TMEM117: variants seen among roughly 807,000 people sequenced by gnomAD.
TMEM117 encodes transmembrane protein 117.
A neutral mutation model predicts 52.4 loss-of-function variants in TMEM117; 27 were observed. The ratio of observed to expected loss-of-function variants is 0.51; its 90% CI spans 0.38 to 0.71. The LOEUF (loss-of-function observed/expected upper bound fraction) is 0.71. Ranked by LOEUF, TMEM117 falls within the 30% of genes least tolerant of loss-of-function variation. TMEM117 has a pLI of 0.00. For synonymous variants in TMEM117, 215 were observed against 206.3 expected, an observed-to-expected ratio of 1.04 and a Z score of -0.36; for missense variants, 556 against 630.5, an observed-to-expected ratio of 0.88 and a Z score of 1.26.
At chr12:44,141,724 G>A (rs1174999085) in intron 3 of TMEM117, among the ~76,000 whole-genome samples, 1 of 152,080 alleles carries the variant, frequency 6.6e-6, no homozygotes, top group Non-Finnish European at 1.5e-5. Context: ...CTGACCAAGA[G>A]CTGTTCAGTG....
At chr12:44,159,296 A>T (rs1948868002) in intron 4 of TMEM117, among the ~76,000 whole-genome samples, 1 of 152,094 alleles carries the variant, frequency 6.6e-6, no homozygotes, top group African/African-American at 2.4e-5. Context: ...CTTTCCTTTG[A>T]AAAAACATTA....
chr12:43,826,118 G>T, the TMEM117 span, among the ~76,000 whole-genome samples: 1 of 152,206 alleles, frequency 6.6e-6, no homozygotes, highest in African/African-American at 2.4e-5. Context: ...TGCACCTTTG[G>T]TGGGTGGATG....
chr12:43,839,385 A>G (rs371017388), intron 1 of TMEM117, among the ~76,000 whole-genome samples: 1 of 151,890 alleles, frequency 6.6e-6, no homozygotes, highest in South Asian at 2.1e-4. Flanking sequence ...AATCTCTTTC[A>G]TACTCCCCTG....
intron 3 of TMEM117, among the ~76,000 whole-genome samples, chr12:44,025,368 A>G (rs1475809019): frequency 6.6e-6 from 1 of 152,196 alleles, no homozygotes; most frequent in South Asian, 2.1e-4. Context: ...TAAATTAATA[A>G]TTATTCATAA....
intron 3 of TMEM117, among the ~76,000 whole-genome samples, chr12:44,065,729 T>TTCTC (rs1408360604): frequency 1.3e-5 from 2 of 152,138 alleles, no homozygotes; most frequent in Non-Finnish European, 2.9e-5. Context: ...AATGAGTTCA[T>TTCTC]ATGGTGAGCA....
chr12:43,852,430 C>CA (rs34031222), intron 2 of TMEM117, among the ~76,000 whole-genome samples: 4,477 of 150,868 alleles, frequency 0.03, 145 homozygotes, highest in African/African-American at 0.075. Context: ...GACTCCATCT[C>CA]AAAAAAAAAC....
At chr12:44,152,566 CAT>C (rs1370212846) in intron 4 of TMEM117, among the ~76,000 whole-genome samples, 10 of 113,556 alleles carry the variant, frequency 8.8e-5, no homozygotes, top group South Asian at 2.8e-4. Flanking sequence ...ATATTTATAT[CAT>C]ATAAATTTAT....
chr12:43,873,635 T>C (rs1326068981), intron 2 of TMEM117, among the ~76,000 whole-genome samples: 1 of 152,162 alleles, frequency 6.6e-6, no homozygotes, highest in Non-Finnish European at 1.5e-5. Context: ...ACTTTTGTTC[T>C]AATCTTAAAT....
chr12:44,286,052 C>T (rs1038797817), intron 5 of TMEM117, among the ~76,000 whole-genome samples: 2 of 152,144 alleles, frequency 1.3e-5, no homozygotes, highest in Admixed American at 1.3e-4. Context: ...TATCCCACTT[C>T]ACTTTAAACC....
intron 7 of TMEM117, among the ~76,000 whole-genome samples, chr12:44,386,288 A>G (rs1417023423): frequency 6.6e-6 from 1 of 152,142 alleles, no homozygotes; most frequent in African/African-American, 2.4e-5. Flanking sequence ...GATCTTTAAT[A>G]TGAACCTGGT....
intron 6 of TMEM117, among the ~76,000 whole-genome samples, chr12:44,303,292 G>A (rs892380814): frequency 4.0e-5 from 6 of 151,792 alleles, no homozygotes; most frequent in East Asian, 1.9e-4. Context: ...CAGGTGATCC[G>A]CCCACCTCGG....
intron 2 of TMEM117, among the ~76,000 whole-genome samples, chr12:43,924,980 G>C (rs1944755319): frequency 6.6e-6 from 1 of 152,168 alleles, no homozygotes; most frequent in African/African-American, 2.4e-5. Context: ...GATGGAAGAT[G>C]TTCTCTCAAA....
At position 44,336,694 on chromosome 12, in the gene TMEM117, TA is replaced by T. The variant is rs539847606; in HGVS notation, c.768+36963del. ...TGAAGGTTGCATTTAAAGCCTGTTT[TA>T]AAAAAAACCATAGGGGTTTTTTTTT... On this transcript the variant is annotated intron_variant, in intron 6 of 7. Coordinates refer to ENST00000266534, the MANE Select transcript of TMEM117 (RefSeq NM_032256.3). 4.2e-4 allele frequency among the ~76,000 whole-genome samples: 63 copies of T among 151,716 alleles called. 1 individual carries two copies. The East Asian group carries it at 0.012, about 29-fold the overall frequency.
chr12:44,238,681 C>T (rs1462811058), intron 5 of TMEM117, among the ~76,000 whole-genome samples: 1 of 152,086 alleles, frequency 6.6e-6, no homozygotes, highest in African/African-American at 2.4e-5. Flanking sequence ...AAAACTCAAC[C>T]CAGTTGCAAC....
At chr12:44,292,269 A>G (rs186787930) in intron 5 of TMEM117, among the ~76,000 whole-genome samples, 14 of 152,052 alleles carry the variant, frequency 9.2e-5, no homozygotes, top group African/African-American at 3.4e-4. Context: ...GTAGTCTCTT[A>G]TGACCCTTTG....
chr12:43,844,857 T>A lies in TMEM117; in HGVS notation c.206T>A (p.Val69Glu). The A allele has an allele frequency of 1.9e-6, 3 of 1,614,218 alleles. No individual in the cohort carries two copies. Among genetic ancestry groups the A allele is most frequent in the Non-Finnish European group, 2.5e-6 (3 of 1,180,028 alleles). Residue 69 changes from valine (V) to glutamate (E), a missense_variant, in exon 2 of 8, where the codon GTG becomes GAG. Coordinates refer to ENST00000266534, the MANE Select transcript of TMEM117 (RefSeq NM_032256.3). The stretch of plus-strand genomic sequence containing the variant: ...GGAGTTGGCTGGAGGATTTTGAAGG[T>A]GCTTCTATGGCTACTTGCCATTCTC... Reference protein sequence around the residue: ...PRGVGWRILKVLLWLLAILTG... With the variant: ...PRGVGWRILKELLWLLAILTG...
chr12:44,352,919 T>C (rs12312895), intron 6 of TMEM117, among the ~76,000 whole-genome samples: 1 of 151,944 alleles, frequency 6.6e-6, no homozygotes, highest in Non-Finnish European at 1.5e-5. Context: ...CCAACAGTGT[T>C]AAAGTGTTCC....
At chr12:44,168,440 T>A (rs1164259028) in intron 4 of TMEM117, among the ~76,000 whole-genome samples, 1 of 152,166 alleles carries the variant, frequency 6.6e-6, no homozygotes, top group Non-Finnish European at 1.5e-5. Context: ...TGTACATTAT[T>A]TTATGACAGC....
At chr12:43,880,746 T>A (rs1262165257) in intron 2 of TMEM117, among the ~76,000 whole-genome samples, 3 of 152,202 alleles carry the variant, frequency 2.0e-5, no homozygotes, top group African/African-American at 7.2e-5. Context: ...AAACACATCT[T>A]GTAAAAGAAA....
Sources: allele counts gnomAD v4.1 joint callset (sites outside exome capture counted in the v4.1 genomes callset), GRCh38; gene constraint gnomAD v4.1.1; transcripts MANE v1.5; gene names NCBI Gene and HGNC (gene_info 2026-07-23, HGNC 2026-07-21).